Variants in MAGI2 observed in about 807,000 individuals in gnomAD.
The protein encoded by MAGI2 is membrane associated guanylate kinase, WW and PDZ domain containing 2, also known as membrane-associated guanylate kinase, WW and PDZ domain-containing protein 2.
Under a neutral mutation model 133.3 loss-of-function variants are expected in MAGI2, and 35 were observed. The observed-to-expected ratio is 0.26, with a 90% CI of 0.20 to 0.35. MAGI2 has a LOEUF of 0.35. Ranked by LOEUF, MAGI2 falls within the 10% of genes least tolerant of loss-of-function variation. The pLI is 1.00. For missense variants in MAGI2, 1,636 were observed against 1,863.4 expected (o/e 0.88, Z 2.25); for synonymous variants, 729 against 710.6 (o/e 1.03, Z -0.41).
At chr7:78,802,615 A>ATATAATGGT (rs1385133496) in intron 2 of MAGI2, among the ~76,000 whole-genome samples, 2 of 152,184 alleles carry the variant, frequency 1.3e-5, no homozygotes, top group African/African-American at 4.8e-5. Context: ...TAGTACTACT[A>ATATAATGGT]TATAATGGTA....
chr7:78,485,762 A>G (rs1188229241), intron 6 of MAGI2: 1 of 152,024 alleles, frequency 6.6e-6, no homozygotes, highest in Non-Finnish European at 1.5e-5. Context: ...TGACAAAATA[A>G]TATATAATCT....
chr7:79,378,520 C>A (rs1218899966), intron 1 of MAGI2, among the ~76,000 whole-genome samples: 2 of 151,260 alleles, frequency 1.3e-5, no homozygotes, highest in Non-Finnish European at 3.0e-5. Flanking sequence ...CATTGTCTGG[C>A]AGGGTTTTTT....
chr7:78,502,835 T>G (rs1275973034), intron 4 of MAGI2, among the ~76,000 whole-genome samples: 1 of 151,958 alleles, frequency 6.6e-6, no homozygotes, highest in South Asian at 2.1e-4. Context: ...AGTTCCAGAA[T>G]GAGAAGAAGG....
At chr7:78,444,323 A>G (rs1379569784) in intron 6 of MAGI2, among the ~76,000 whole-genome samples, 1 of 152,104 alleles carries the variant, frequency 6.6e-6, no homozygotes, top group Non-Finnish European at 1.5e-5. Context: ...CACGCAGAAC[A>G]GTGAAAAAAG....
chr7:79,444,172 T>C (rs964932934), intron 1 of MAGI2, among the ~76,000 whole-genome samples: 14 of 152,148 alleles, frequency 9.2e-5, no homozygotes, highest in Non-Finnish European at 1.8e-4. Context: ...CTCAAAATAA[T>C]AAGAGCTATC....
intron 9 of MAGI2, among the ~76,000 whole-genome samples, chr7:78,296,253 T>A (rs574726572): frequency 6.6e-6 from 1 of 152,276 alleles, no homozygotes; most frequent in African/African-American, 2.4e-5. Context: ...TTCTATGAGG[T>A]CCTACATAAA....
chr7:79,391,455 GA>G (rs1554469481), intron 1 of MAGI2, among the ~76,000 whole-genome samples: 1 of 128,748 alleles, frequency 7.8e-6, no homozygotes, highest in Non-Finnish European at 1.7e-5. Context: ...TTAAAAGAAG[GA>G]AAAAATGTAT....
At chr7:79,407,711 T>C (rs555109998) in intron 1 of MAGI2, among the ~76,000 whole-genome samples, 1 of 152,210 alleles carries the variant, frequency 6.6e-6, no homozygotes, top group South Asian at 2.1e-4. Flanking sequence ...CCTACAAATA[T>C]GACCATAAAT....
intron 2 of MAGI2, among the ~76,000 whole-genome samples, chr7:78,970,817 A>G (rs1803725094): frequency 6.6e-6 from 1 of 152,092 alleles, no homozygotes; most frequent in Admixed American, 6.6e-5. Flanking sequence ...GCTTTCTTGT[A>G]TCCTGTGCTA....
In MAGI2 at chr7:79,085,623, C is replaced by T. The variant is rs764441385; in HGVS notation, c.302-78417G>A. Among the ~76,000 whole-genome samples the T allele has an allele frequency of 4.6e-5, 7 of 151,960 alleles. No individual in the cohort carries two copies. The South Asian group carries it at 8.3e-4, about 18-fold the overall frequency. On this transcript the variant is annotated intron_variant, in intron 1 of 21. Transcript: ENST00000354212. ...TGCACCAACTCTAGAAGTCATTCTT[C>T]CTCCTCTGCAGAGTTTGTTCTTGTT...
chr7:78,719,263 A>G (rs931071725), intron 2 of MAGI2, among the ~76,000 whole-genome samples: 15 of 152,204 alleles, frequency 9.9e-5, no homozygotes, highest in African/African-American at 3.6e-4. Flanking sequence ...AAAATAAACA[A>G]TTGAAGTCTT....
At chr7:79,157,941 A>T (rs202205416) in intron 1 of MAGI2, among the ~76,000 whole-genome samples, 124 of 134,952 alleles carry the variant, frequency 9.2e-4, no homozygotes, top group African/African-American at 3.9e-3. Context: ...TCTTTGTGTG[A>T]GTGTGTGTGT....
At chr7:79,217,845 A>G (rs1463057752) in intron 1 of MAGI2, among the ~76,000 whole-genome samples, 7 of 152,064 alleles carry the variant, frequency 4.6e-5, no homozygotes, top group African/African-American at 1.5e-4. Flanking sequence ...CATAATAAGC[A>G]GTCAATAAAT....
intron 3 of MAGI2, among the ~76,000 whole-genome samples, chr7:78,574,578 T>A (rs1422151067): frequency 6.6e-6 from 1 of 152,270 alleles, no homozygotes; most frequent in Non-Finnish European, 1.5e-5. Flanking sequence ...CTTAATGTAA[T>A]GCTTGACTTG....
chr7:78,657,911 A>G (rs117385315), intron 2 of MAGI2, among the ~76,000 whole-genome samples: 8 of 152,292 alleles, frequency 5.3e-5, no homozygotes, highest in Non-Finnish European at 1.0e-4. Context: ...GGTGGAGGGT[A>G]TATAAGAAAT....
chr7:79,186,951 G>A (rs1386936472), intron 1 of MAGI2, among the ~76,000 whole-genome samples: 1 of 150,836 alleles, frequency 6.6e-6, no homozygotes, highest in African/African-American at 2.4e-5. Flanking sequence ...AAAGAACTCA[G>A]ACTATATTTG....
Position 78,903,313 on chromosome 7 carries a change from C to A in MAGI2, c.418+103777G>T, listed in dbSNP as rs527662201. Among the ~76,000 whole-genome samples the A allele has an allele frequency of 1.1e-4, 16 of 151,374 alleles. No homozygotes were observed. The South Asian group carries it at 2.1e-3, about 20-fold the overall frequency. ...GGTTCACGCCATTCTCCTGCCTCAG[C>A]CTCCCAGGTAGCTGGGACTACAGGC... is the stretch of plus-strand genomic sequence containing the variant. On this transcript the variant is annotated intron_variant, in intron 2 of 21. Coordinates refer to ENST00000354212, the MANE Select transcript of MAGI2 (RefSeq NM_012301.4).
At chr7:78,040,423 T>C (rs971683686) in intron 21 of MAGI2, among the ~76,000 whole-genome samples, 49 of 152,164 alleles carry the variant, frequency 3.2e-4, no homozygotes, top group Non-Finnish European at 2.9e-5. Context: ...GCGGGTTCCC[T>C]TCTCGCCGCG....
chr7:78,054,851 C>T (rs1812402566), intron 21 of MAGI2, among the ~76,000 whole-genome samples: 1 of 152,096 alleles, frequency 6.6e-6, no homozygotes. Flanking sequence ...CAGGGTCCCA[C>T]TACGTTGGCC....
Sources: allele counts gnomAD v4.1 joint callset (sites outside exome capture counted in the v4.1 genomes callset), GRCh38; gene constraint gnomAD v4.1.1; transcripts MANE v1.5; gene names NCBI Gene and HGNC (gene_info 2026-07-23, HGNC 2026-07-21).